The following CSNK1E variants were observed in gnomAD, a reference collection of about 807,000 sequenced individuals.
CSNK1E encodes casein kinase I isoform epsilon.
Under a neutral mutation model 46.1 loss-of-function variants are expected in CSNK1E, and 17 were observed. That is an observed-to-expected ratio of 0.37 (90% confidence interval 0.25 to 0.55). The LOEUF (loss-of-function observed/expected upper bound fraction) is 0.55. CSNK1E is among the 20% of genes least tolerant of loss of function. The pLI is 0.82. For missense variants in CSNK1E, 386 were observed against 595.4 expected (o/e 0.65, Z 3.66); for synonymous variants, 241 against 242.6 (o/e 0.99, Z 0.06).
intron 7 of CSNK1E, chr22:38,296,466 C>T: frequency 2.6e-6 from 4 of 1,533,170 alleles, no homozygotes; most frequent in Non-Finnish European, 3.5e-6. Context: ...AGGGCCTGGC[C>T]TCAGGGTGAA....
chr22:38,315,764 A>G (rs1426601571), intron 1 of CSNK1E, among the ~76,000 whole-genome samples: 1 of 151,990 alleles, frequency 6.6e-6, no homozygotes, highest in African/African-American at 2.4e-5. Context: ...CCCGCATCCT[A>G]TATTACATAA....
chr22:38,296,751 A>G (rs989111813), intron 7 of CSNK1E: 1 of 1,561,638 alleles, frequency 6.4e-7, no homozygotes, highest in Non-Finnish European at 8.7e-7. Context: ...AGGAACCTAG[A>G]GCAGTGATGT....
At chr22:38,305,670 C>T (rs1025512883) in intron 2 of CSNK1E, among the ~76,000 whole-genome samples, 3 of 152,122 alleles carry the variant, frequency 2.0e-5, no homozygotes, top group African/African-American at 7.2e-5. Context: ...AAAAGCCTTA[C>T]TCATAGGGAA....
intron 2 of CSNK1E, among the ~76,000 whole-genome samples, chr22:38,304,840 G>A (rs1203100865): frequency 2.6e-5 from 4 of 152,256 alleles, no homozygotes; most frequent in South Asian, 2.1e-4. Context: ...CATTCTACCC[G>A]AGGCCAGGCA....
intron 7 of CSNK1E, chr22:38,296,826 G>A (rs1444329682): frequency 5.9e-6 from 6 of 1,024,808 alleles, no homozygotes; most frequent in Admixed American, 2.4e-5. Flanking sequence ...GGCCACTGGA[G>A]GGCAGTGGCA....
At chr22:38,297,282 A>G (rs1424454445) in intron 7 of CSNK1E, 2 of 633,764 alleles carry the variant, frequency 3.2e-6, no homozygotes, top group South Asian at 1.7e-5. Flanking sequence ...TGGTGGAAAG[A>G]GCTGGTCCCA....
chr22:38,301,415 G>A (rs2092671582), intron 4 of CSNK1E, among the ~76,000 whole-genome samples: 1 of 152,114 alleles, frequency 6.6e-6, no homozygotes, highest in African/African-American at 2.4e-5. Flanking sequence ...ACTCAGACAG[G>A]CACATGGCCC....
At position 38,314,109 on chromosome 22, in the gene CSNK1E, T is replaced by C. The variant is rs1166067376; in HGVS notation, c.49A>G (p.Ser17Gly). 5 of 1,614,038 alleles carry C rather than the reference T, an allele frequency of 3.1e-6. No homozygotes were observed. The highest frequency in any genetic ancestry group is 1.7e-5 in the Admixed American group (1 of 60,020). Residue 17 changes from serine to glycine, a missense_variant, in exon 2 of 11, where the codon AGC (serine) becomes GGC (glycine). Around this residue, in one of 2 missense-constraint regions of CSNK1E, gnomAD observed 212 missense variants for 410.2 expected, o/e 0.52. Coordinates refer to ENST00000396832, the MANE Select transcript of CSNK1E (RefSeq NM_152221.3). The part of the protein sequence containing the change: ...NKYRLGRKIG[S>G]GSFGDIYLGA... ...AGGTAGATATCTCCGAAGGACCCGC[T>C]CCCGATCTTCCGTCCCAGGCGGTAC...
At chr22:38,305,501 G>A (rs1283221079) in intron 2 of CSNK1E, among the ~76,000 whole-genome samples, 4 of 139,090 alleles carry the variant, frequency 2.9e-5, no homozygotes, top group East Asian at 2.1e-4. Flanking sequence ...CAAAAACACC[G>A]GAAATAAAGT....
At chr22:38,296,136 C>T in intron 7 of CSNK1E, 2 of 990,626 alleles carry the variant, frequency 2.0e-6, no homozygotes, top group Non-Finnish European at 2.4e-6. Flanking sequence ...CATTGCCAGC[C>T]CCGAGGCAAG....
In CSNK1E at chr22:38,300,859, G is replaced by A; in HGVS notation, c.430C>T (p.Leu144=). ...AGGCCGAAGTCGATGATGTAGACCA[G>A]GTTGCCCTTCTTCCCCAGCCCCATG... is the stretch of plus-strand genomic sequence containing the variant. ...FLMGLGKKGN[L]VYIIDFGLAK... Residue 144 remains leucine (L), a synonymous_variant, in exon 5 of 11, where the codon CTG becomes TTG. Transcript: ENST00000396832. This position sits in a 1 kb window ranked among gnomAD's most constrained non-coding sequence, Gnocchi z 4.4. 7 of 1,614,246 alleles carry A rather than the reference G, an allele frequency of 4.3e-6. No homozygotes were observed. The highest frequency in any genetic ancestry group is 5.9e-6 in the Non-Finnish European group (7 of 1,180,040).
Position 38,303,172 on chromosome 22 carries a change from G to C in CSNK1E, c.153C>G (p.Ile51Met). ...CVKTKHPQLHIESKFYKMMQG... is the reference protein window; with the variant it reads ...CVKTKHPQLHMESKFYKMMQG... ...GCATCATCTTGTAGAACTTGCTCTC[G>C]ATGTGCAGCTGGGGGTGCTTTGTCT... The change falls in exon 3 of 11, where the codon ATC (isoleucine) becomes ATG (methionine). Residue 51 changes from isoleucine (I) to methionine (M), a missense_variant. Around this residue, in one of 2 missense-constraint regions of CSNK1E, gnomAD observed 212 missense variants for 410.2 expected, o/e 0.52. Transcript: ENST00000396832. This position sits in a 1 kb window ranked among gnomAD's most constrained non-coding sequence, Gnocchi z 4.7. 1 of 1,610,576 alleles carries C rather than the reference G, an allele frequency of 6.2e-7. No individual in the cohort carries two copies.
intron 2 of CSNK1E, among the ~76,000 whole-genome samples, chr22:38,304,862 G>A (rs1161125203): frequency 2.0e-5 from 3 of 152,132 alleles, no homozygotes; most frequent in Admixed American, 6.5e-5. Context: ...AGTGGCTCAC[G>A]CCCGTAATCC....
rs1437040195 is a variant in CSNK1E, at chr22:38,317,426, G to A, written c.-279C>T. The A allele has an allele frequency of 6.5e-5, 6 of 92,118 alleles. No homozygotes were observed. Among genetic ancestry groups the A allele is most frequent in the Admixed American group, 5.8e-4 (4 of 6,896 alleles). 5.7% of individuals were successfully genotyped at this position (92,118 alleles called of 1,614,324 possible). ...CCGCCCGCCCCCGCCGCCGGCTCGCGCGCTCTCGCACCGCGCGCGCCCGCC... is the reference window on the plus strand; with the variant it reads ...CCGCCCGCCCCCGCCGCCGGCTCGCACGCTCTCGCACCGCGCGCGCCCGCC... On this transcript the variant is annotated 5_prime_UTR_variant, in exon 1 of 11. Coordinates refer to ENST00000396832, the MANE Select transcript of CSNK1E (RefSeq NM_152221.3).
chr22:38,296,887 G>C (rs2092643595), intron 7 of CSNK1E: 2 of 636,664 alleles, frequency 3.1e-6, no homozygotes, highest in Non-Finnish European at 5.4e-6. Flanking sequence ...CGATTCTCCT[G>C]CCTCAGCCTC....
chr22:38,293,863 G>A (rs1366349237), intron 9 of CSNK1E: 2 of 543,912 alleles, frequency 3.7e-6, no homozygotes, highest in Admixed American at 3.2e-5. Flanking sequence ...AGCGAGGACT[G>A]GAGCCCAGCT....
chr22:38,291,515 C>G lies in CSNK1E; in HGVS notation c.*456G>C, dbSNP rs575523666. ...TGGGGCTGTGCGTATCTCCTGGATT[C>G]TGAGGCTCGGAAAACTCGGTGGGAA... is the stretch of plus-strand genomic sequence containing the variant. On this transcript the variant is annotated 3_prime_UTR_variant, in exon 11 of 11. Transcript: ENST00000396832. 2 of 152,392 alleles carry G rather than the reference C, an allele frequency of 1.3e-5. No homozygotes were observed. Among genetic ancestry groups the G allele is most frequent in the African/African-American group, 2.4e-5 (1 of 41,538 alleles). 9.4% of individuals were successfully genotyped at this position (152,392 alleles called of 1,614,324 possible). A position where few individuals can be genotyped will look rare whatever the true frequency, so the allele number is the denominator to read the frequency against.
At position 38,290,816 on chromosome 22, in the gene CSNK1E, G is replaced by GT. The variant is rs1293272523; in HGVS notation, c.*1154dup. 7.1e-6 allele frequency: 1 copy of GT among 140,084 alleles called. No individual in the cohort carries two copies. The highest frequency in any genetic ancestry group is 2.0e-4 in the East Asian group (1 of 4,886). The allele number at this position is 140,084 out of a possible 1,614,324, so 8.7% of individuals were successfully genotyped here. On this transcript the variant is annotated 3_prime_UTR_variant, in exon 11 of 11. Transcript: ENST00000396832. The stretch of plus-strand genomic sequence containing the variant: ...AAGTTCTTCAGTTTTTTTTTTTTCA[G>GT]TTTTTTAAATTACAAAGTAATAAAA...
chr22:38,303,203 C>G lies in CSNK1E; in HGVS notation c.122G>C (p.Cys41Ser). The G allele has an allele frequency of 6.2e-7, 1 of 1,610,122 alleles. No individual in the cohort carries two copies. Among genetic ancestry groups the G allele is most frequent in the Non-Finnish European group, 8.5e-7 (1 of 1,178,696 alleles). Reference sequence around the variant, plus strand: ...CAGCTGGGGGTGCTTTGTCTTCACACACTCCAGCTTGATGGCGACTTCCTC... The same window carrying G: ...CAGCTGGGGGTGCTTTGTCTTCACAGACTCCAGCTTGATGGCGACTTCCTC... ...SGEEVAIKLE[C>S]VKTKHPQLHI... The change falls in exon 3 of 11, where the codon TGT becomes TCT. Residue 41 changes from cysteine (C) to serine (S), a missense_variant. Around this residue, in one of 2 missense-constraint regions of CSNK1E, gnomAD observed 212 missense variants for 410.2 expected, o/e 0.52. Coordinates refer to ENST00000396832, the MANE Select transcript of CSNK1E (RefSeq NM_152221.3). The surrounding 1 kb of genome is among the most constrained non-coding windows in gnomAD (Gnocchi z 4.7).
Sources: gnomAD v4.1 joint callset for allele counts (sites outside exome capture counted in the v4.1 genomes callset) on GRCh38, gnomAD v4.1.1 for gene constraint, gnomAD v4.1.1 regional missense constraint, Gnocchi (gnomAD v3.1) non-coding constraint, MANE v1.5 for transcripts, NCBI Gene and HGNC (gene_info 2026-07-23, HGNC 2026-07-21) for gene names.